The following XXYLT1 variants were observed in gnomAD, a reference collection of about 807,000 sequenced individuals.
XXYLT1 encodes UDP-xylose:alpha-xyloside alpha-1,3-xylosyltransferase.
In XXYLT1, 20 loss-of-function variants were observed where a neutral mutation model predicts 28.9. That is an observed-to-expected ratio of 0.69 (90% CI 0.49 to 1.00). The LOEUF (loss-of-function observed/expected upper bound fraction) is 1.00. Among genes scored for constraint, XXYLT1 ranks in the 50% least tolerant of loss-of-function variants. The probability of loss-of-function intolerance (pLI) is 0.00; values close to 1 mark genes in which losing one functional copy is unlikely to be tolerated. For synonymous variants in XXYLT1, 257 were observed against 253.8 expected (o/e 1.01, Z -0.12); for missense variants, 542 against 560.1 (o/e 0.97, Z 0.33).
intron 3 of XXYLT1, among the ~76,000 whole-genome samples, chr3:195,154,520 C>A (rs139187801): frequency 6.6e-6 from 1 of 152,152 alleles, no homozygotes; most frequent in Non-Finnish European, 1.5e-5. Context: ...GGGTCTCTCT[C>A]GCAACAGAAA....
rs778451172 is a variant in XXYLT1 at position 195,069,894 on chromosome 3, TGAA to T, written c.1000_1002del (p.Phe334del). The T allele has an allele frequency of 6.2e-6, 10 of 1,614,054 alleles. No individual in the cohort carries two copies. In the East Asian group the frequency reaches 1.6e-4, roughly 25 times the overall value. On this transcript the variant is annotated inframe_deletion, in exon 4 of 4. Coordinates refer to ENST00000310380, the MANE Select transcript of XXYLT1 (RefSeq NM_152531.5). Reference sequence around the variant, plus strand: ...TTGGGGTGCTCCATGCCGATCATGGTGAAGAAGTCCTGGTCCCCGAGGTGGCCG... The same window carrying T: ...TTGGGGTGCTCCATGCCGATCATGGTGAAGTCCTGGTCCCCGAGGTGGCCG...
chr3:195,090,065 C>A (rs1466327258), intron 3 of XXYLT1, among the ~76,000 whole-genome samples: 13 of 149,614 alleles, frequency 8.7e-5, no homozygotes, highest in South Asian at 2.1e-4. Flanking sequence ...TAGACTCCCA[C>A]ACATTAATAA....
chr3:195,130,437 A>G (rs971789150), intron 3 of XXYLT1, among the ~76,000 whole-genome samples: 1 of 152,240 alleles, frequency 6.6e-6, no homozygotes, highest in Non-Finnish European at 1.5e-5. Context: ...AGGACTTTAT[A>G]ACCTTTAGCT....
intron 1 of XXYLT1, among the ~76,000 whole-genome samples, chr3:195,235,215 C>T (rs1301146317): frequency 6.6e-6 from 1 of 152,118 alleles, no homozygotes; most frequent in East Asian, 1.9e-4. Context: ...AAGCCATCCT[C>T]CCAGCTCTAA....
chr3:195,259,476 T>C, intron 1 of XXYLT1: 1 of 654,370 alleles, frequency 1.5e-6, no homozygotes, highest in Non-Finnish European at 1.9e-6. Flanking sequence ...GGGAAGGCTG[T>C]GAGGAAGGGC....
chr3:195,143,831 G>GATATAGATATAGATATATATAGATAT (rs1719653639), intron 3 of XXYLT1, among the ~76,000 whole-genome samples: 2 of 65,700 alleles, frequency 3.0e-5, no homozygotes, highest in African/African-American at 1.2e-4. Context: ...GATATATATA[G>GATATAGATATAGATATATATAGATAT]ATATAGATAT....
At chr3:195,141,689 A>AG (rs1719500331) in intron 3 of XXYLT1, among the ~76,000 whole-genome samples, 1 of 152,168 alleles carries the variant, frequency 6.6e-6, no homozygotes, top group Non-Finnish European at 1.5e-5. Context: ...AACCCTTGCC[A>AG]GCCAGCGCCA....
intron 1 of XXYLT1, among the ~76,000 whole-genome samples, chr3:195,230,450 A>G (rs1724251072): frequency 6.6e-6 from 1 of 152,212 alleles, no homozygotes; most frequent in Admixed American, 6.5e-5. Context: ...CACGCAAGAA[A>G]TCTTTGCCAA....
intron 3 of XXYLT1, among the ~76,000 whole-genome samples, chr3:195,137,923 T>C (rs1719284891): frequency 6.6e-6 from 1 of 152,190 alleles, no homozygotes; most frequent in Non-Finnish European, 1.5e-5. Flanking sequence ...TCTGCCTGCA[T>C]AGCAACATGT....
chr3:195,161,432 C>T (rs1720864511), intron 2 of XXYLT1, among the ~76,000 whole-genome samples: 1 of 152,134 alleles, frequency 6.6e-6, no homozygotes. Context: ...CCCAGATCAT[C>T]TCTGTGCAGT....
At chr3:195,208,172 G>T (rs1272584895) in intron 2 of XXYLT1, among the ~76,000 whole-genome samples, 1 of 152,230 alleles carries the variant, frequency 6.6e-6, no homozygotes, top group Non-Finnish European at 1.5e-5. Context: ...TACCCCAACA[G>T]AGGTGGTATT....
At chr3:195,247,814 G>A (rs185920287) in intron 1 of XXYLT1, 138 of 702,694 alleles carry the variant, frequency 2.0e-4, no homozygotes, top group Middle Eastern at 2.3e-4. Context: ...ACACAATCAC[G>A]GCGGAAGGGA....
chr3:195,235,780 G>T (rs73069004), intron 1 of XXYLT1, among the ~76,000 whole-genome samples: 3,535 of 152,244 alleles, frequency 0.023, 113 homozygotes, highest in African/African-American at 0.075. Flanking sequence ...TTGCAGATTT[G>T]TAGATGCACC....
chr3:195,184,879 T>C, intron 2 of XXYLT1: 1 of 925,302 alleles, frequency 1.1e-6, no homozygotes, highest in African/African-American at 1.8e-5. Flanking sequence ...ATTCAAATGG[T>C]AAGTTTGATC....
intron 2 of XXYLT1, chr3:195,214,781 T>C (rs1723488128): frequency 1.3e-5 from 2 of 152,178 alleles, no homozygotes; most frequent in Admixed American, 1.3e-4. Context: ...TAAACATTGA[T>C]TACTGGTGCT....
At chr3:195,169,360 G>A (rs1231332930) in intron 2 of XXYLT1, among the ~76,000 whole-genome samples, 1 of 152,190 alleles carries the variant, frequency 6.6e-6, no homozygotes, top group Admixed American at 6.5e-5. Flanking sequence ...AAGGCACTCG[G>A]CATCACTTCC....
intron 1 of XXYLT1, among the ~76,000 whole-genome samples, chr3:195,259,855 G>A (rs1725618076): frequency 6.6e-6 from 1 of 152,206 alleles, no homozygotes; most frequent in Admixed American, 6.5e-5. Flanking sequence ...GGGTGTGACG[G>A]GGACCGGGCG....
chr3:195,127,018 T>C (rs1718671886), intron 3 of XXYLT1, among the ~76,000 whole-genome samples: 2 of 152,212 alleles, frequency 1.3e-5, no homozygotes, highest in African/African-American at 2.4e-5. Flanking sequence ...TTTTACAGAA[T>C]GTTCCCTCTG....
At chr3:195,155,101 T>C (rs1720493600) in intron 3 of XXYLT1, among the ~76,000 whole-genome samples, 1 of 152,124 alleles carries the variant, frequency 6.6e-6, no homozygotes, top group South Asian at 2.1e-4. Flanking sequence ...GAGGATTATA[T>C]AAGGGAGAAA....
Sources: gnomAD v4.1 joint callset for allele counts (sites outside exome capture counted in the v4.1 genomes callset) on GRCh38, gnomAD v4.1.1 for gene constraint, MANE v1.5 for transcripts, NCBI Gene and HGNC (gene_info 2026-07-23, HGNC 2026-07-21) for gene names.